DDX4: variants seen among roughly 807,000 people sequenced by gnomAD.
DDX4 encodes the protein probable ATP-dependent RNA helicase DDX4.
Under a neutral mutation model 100.0 loss-of-function variants are expected in DDX4, and 25 were observed. The observed-to-expected ratio is 0.25, with a 90% CI of 0.18 to 0.35. DDX4 has a LOEUF of 0.35. Ranked by LOEUF, DDX4 falls within the 10% of genes least tolerant of loss-of-function variation. The pLI is 1.00. For missense variants in DDX4, 635 were observed against 882.4 expected (o/e 0.72, Z 3.55); for synonymous variants, 259 against 275.7 (o/e 0.94, Z 0.60).
chr5:55,782,798 CTTTTTTTTTTT>C (rs1274012590), intron 10 of DDX4, among the ~76,000 whole-genome samples: 2 of 137,576 alleles, frequency 1.5e-5, no homozygotes, highest in Non-Finnish European at 3.2e-5. Flanking sequence ...TTTTTCTTTT[CTTTTTTTTTTT>C]TTTTGAGACA....
At chr5:55,760,996 A>T (rs924705179) in intron 4 of DDX4, among the ~76,000 whole-genome samples, 1 of 152,252 alleles carries the variant, frequency 6.6e-6, no homozygotes, top group Admixed American at 6.5e-5. Flanking sequence ...ATGAGATGTT[A>T]TTTTTTGAAA....
At chr5:55,762,398 C>T (rs577891535) in intron 4 of DDX4, among the ~76,000 whole-genome samples, 1 of 152,042 alleles carries the variant, frequency 6.6e-6, no homozygotes, top group East Asian at 1.9e-4. Context: ...AGATAGTATG[C>T]TGTGGGAATG....
chr5:55,808,463 CT>C (rs1351567986), intron 18 of DDX4, among the ~76,000 whole-genome samples: 4 of 152,134 alleles, frequency 2.6e-5, no homozygotes, highest in African/African-American at 4.8e-5. Flanking sequence ...TACCTTTGGT[CT>C]TTGATGATGG....
intron 3 of DDX4, among the ~76,000 whole-genome samples, chr5:55,755,872 G>A (rs1387045625): frequency 3.9e-5 from 6 of 152,134 alleles, no homozygotes; most frequent in African/African-American, 1.4e-4. Flanking sequence ...ATTATTAACA[G>A]CACCCTTGAA....
intron 3 of DDX4, among the ~76,000 whole-genome samples, chr5:55,756,477 A>G (rs1239939676): frequency 4.6e-5 from 7 of 152,132 alleles, no homozygotes; most frequent in Admixed American, 1.3e-4. Flanking sequence ...AATAGTTTCA[A>G]AACTCTTTGC....
chr5:55,781,040 T>A (rs931807273), intron 8 of DDX4, 26 bp from the exon 9 acceptor site: 4 of 1,582,250 alleles, frequency 2.5e-6, no homozygotes, highest in East Asian at 2.2e-5. Flanking sequence ...AGTAATGTAA[T>A]CTAATTTTAC....
chr5:55,780,949 T>C, intron 8 of DDX4, 117 bp from the exon 9 acceptor site: 1 of 770,616 alleles, frequency 1.3e-6, no homozygotes, highest in South Asian at 2.2e-5. Flanking sequence ...AGTATTTTTC[T>C]ATTTTACCCT....
chr5:55,804,469 G>A (rs71622199), intron 18 of DDX4, among the ~76,000 whole-genome samples: 16,838 of 152,236 alleles, frequency 0.11, 1,242 homozygotes, highest in Non-Finnish European at 0.17. Context: ...TAACGTTTAA[G>A]TCTTTAATCC....
At chr5:55,742,211 G>C (rs1377974142) in intron 2 of DDX4, 1 of 456,242 alleles carries the variant, frequency 2.2e-6, no homozygotes, top group Non-Finnish European at 4.4e-6. Flanking sequence ...TTTGCACGTT[G>C]CCTGCAGGCT....
chr5:55,783,359 T>C (rs1256168863), intron 10 of DDX4, among the ~76,000 whole-genome samples: 2 of 151,890 alleles, frequency 1.3e-5, no homozygotes, highest in African/African-American at 4.8e-5. Flanking sequence ...CCTGTGGACA[T>C]ACAAGATAAG....
intron 18 of DDX4, among the ~76,000 whole-genome samples, chr5:55,809,410 T>C (rs1743973370): frequency 1.3e-5 from 2 of 152,190 alleles, no homozygotes; most frequent in South Asian, 4.1e-4. Context: ...GCGTCACTTA[T>C]GCTGGGAGCT....
rs78567077 is a variant in DDX4, at chr5:55,779,526, A to C, written c.395-438A>C. The stretch of plus-strand genomic sequence containing the variant: ...CTTTTGGTATTCAATTCAATTAAAA[A>C]TTGTTCTTACCTGGAAATCAGACTT... On this transcript the variant is annotated intron_variant, in intron 7 of 21. Transcript: ENST00000505374. Among the ~76,000 whole-genome samples the C allele has an allele frequency of 4.9e-3, 753 of 152,308 alleles. 4 individuals carry two copies. The highest frequency in any genetic ancestry group is 0.014 in the Middle Eastern group (4 of 294).
intron 18 of DDX4, among the ~76,000 whole-genome samples, chr5:55,804,641 T>A (rs542176319): frequency 1.3e-5 from 2 of 151,806 alleles, no homozygotes; most frequent in African/African-American, 4.8e-5. Flanking sequence ...GTAGATATGC[T>A]GCGTTATTTC....
rs369016313 is a variant in DDX4, at chr5:55,815,937, G to GTTTT, written c.2098-509_2098-506dup. Among the ~76,000 whole-genome samples the GTTTT allele has an allele frequency of 2.5e-4, 27 of 109,128 alleles. 1 individual carries two copies. The highest frequency in any genetic ancestry group is 8.5e-4 in the Admixed American group (8 of 9,414). 71.6% of individuals were successfully genotyped at this position (109,128 alleles called of 152,430 possible). The stretch of plus-strand genomic sequence containing the variant: ...CAGGCATGTGCCACCATCTTAGCTG[G>GTTTT]TTTTTTTTTTTTTTTTTTTTGTATT... On this transcript the variant is annotated intron_variant, in intron 21 of 21. Coordinates refer to ENST00000505374, the MANE Select transcript of DDX4 (RefSeq NM_024415.3).
chr5:55,766,939 A>T (rs1419185997), intron 6 of DDX4: 6 of 1,516,404 alleles, frequency 4.0e-6, no homozygotes, highest in South Asian at 3.6e-5. Flanking sequence ...AATGGGGTCT[A>T]GGAATTTATT....
intron 2 of DDX4, among the ~76,000 whole-genome samples, chr5:55,739,328 C>A (rs1484663761): frequency 6.6e-6 from 1 of 152,184 alleles, no homozygotes; most frequent in Non-Finnish European, 1.5e-5. Context: ...TGGTTGATAT[C>A]AGTGAAAGAC....
At chr5:55,812,905 C>T (rs1003218134) in intron 18 of DDX4, among the ~76,000 whole-genome samples, 1 of 151,148 alleles carries the variant, frequency 6.6e-6, no homozygotes, top group African/African-American at 2.4e-5. Context: ...CTAGTAGGCA[C>T]TAAATGTTTG....
intron 17 of DDX4, among the ~76,000 whole-genome samples, chr5:55,797,302 A>G (rs944511760): frequency 1.3e-5 from 2 of 152,204 alleles, no homozygotes; most frequent in Non-Finnish European, 2.9e-5. Flanking sequence ...TTCTTAATAT[A>G]TCTTTCCTAC....
intron 18 of DDX4, among the ~76,000 whole-genome samples, chr5:55,806,149 T>A (rs1743697699): frequency 1.3e-5 from 2 of 152,246 alleles, no homozygotes; most frequent in Admixed American, 1.3e-4. Context: ...TAGTTTGTAT[T>A]TCTGTGGGAT....
Sources: gnomAD v4.1 joint callset for allele counts (sites outside exome capture counted in the v4.1 genomes callset) on GRCh38, gnomAD v4.1.1 for gene constraint, MANE v1.5 for transcripts, NCBI Gene and HGNC (gene_info 2026-07-23, HGNC 2026-07-21) for gene names.